The following CACHD1 variants were observed in gnomAD, a reference collection of about 807,000 sequenced individuals.
CACHD1 encodes VWFA and cache domain-containing protein 1.
Under a neutral mutation model 138.7 loss-of-function variants are expected in CACHD1, and 71 were observed. The observed-to-expected ratio is 0.51, with a 90% CI of 0.42 to 0.62. The LOEUF (loss-of-function observed/expected upper bound fraction) is 0.62. Ranked by LOEUF, CACHD1 falls within the 20% of genes least tolerant of loss-of-function variation. CACHD1 has a pLI of 0.00. For synonymous variants in CACHD1, 578 were observed against 591.5 expected (o/e 0.98, Z 0.33); for missense variants, 1,389 against 1,625.3 (o/e 0.85, Z 2.50).
intron 16 of CACHD1, among the ~76,000 whole-genome samples, chr1:64,668,671 A>G (rs776071066): frequency 1.3e-5 from 2 of 152,230 alleles, no homozygotes; most frequent in Non-Finnish European, 2.9e-5. Flanking sequence ...GTGAGTGTAT[A>G]TTCCCCAGAA....
intron 13 of CACHD1, among the ~76,000 whole-genome samples, chr1:64,660,968 C>T (rs998260076): frequency 4.6e-5 from 7 of 152,120 alleles, no homozygotes; most frequent in African/African-American, 1.4e-4. Flanking sequence ...ATATGATTAA[C>T]AAGCAGACCA....
chr1:64,557,522 C>T (rs1451950085), intron 2 of CACHD1, among the ~76,000 whole-genome samples: 3 of 152,118 alleles, frequency 2.0e-5, no homozygotes, highest in Admixed American at 1.3e-4. Flanking sequence ...ATACAGGAGA[C>T]GTACCTGACA....
At position 64,664,656 on chromosome 1, in the gene CACHD1, A is replaced by G. The variant is rs762129946; in HGVS notation, c.2253A>G (p.Ala751=). Residue 751 remains alanine, a synonymous_variant, in exon 15 of 27, where the codon GCA becomes GCG. Transcript: ENST00000651257. Reference sequence around the variant, plus strand: ...ATCCTGGTTCCCTCATGGACAAAGCATTTGATCCCACTAGGAGACAATGGT... The same window carrying G: ...ATCCTGGTTCCCTCATGGACAAAGCGTTTGATCCCACTAGGAGACAATGGT... ...RIYPGSLMDK[A]FDPTRRQWYL... 9.3e-6 allele frequency: 15 copies of G among 1,614,178 alleles called. No homozygotes were observed. The highest frequency in any genetic ancestry group is 2.2e-5 in the East Asian group (1 of 44,884).
At chr1:64,651,372 CT>C (rs879721898) in intron 9 of CACHD1, among the ~76,000 whole-genome samples, 15 of 152,160 alleles carry the variant, frequency 9.9e-5, no homozygotes, top group Admixed American at 7.2e-4. Context: ...TTGTTTTCAC[CT>C]TTTTTTAAAG....
At chr1:64,690,770 G>C (rs1570489794) in intron 26 of CACHD1, among the ~76,000 whole-genome samples, 1 of 152,340 alleles carries the variant, frequency 6.6e-6, no homozygotes, top group East Asian at 1.9e-4. Flanking sequence ...TACCAAGCAA[G>C]CACGCAGGTG....
intron 26 of CACHD1, among the ~76,000 whole-genome samples, chr1:64,684,058 A>G (rs1424241635): frequency 1.3e-5 from 2 of 152,240 alleles, no homozygotes; most frequent in East Asian, 3.8e-4. Flanking sequence ...CCATGAGATT[A>G]TAATGGAGCT....
At chr1:64,547,782 C>T (rs914541290) in intron 1 of CACHD1, among the ~76,000 whole-genome samples, 2 of 151,938 alleles carry the variant, frequency 1.3e-5, no homozygotes, top group African/African-American at 4.9e-5. Flanking sequence ...AAGCTCCTCT[C>T]CATCCCACAC....
intron 1 of CACHD1, among the ~76,000 whole-genome samples, chr1:64,520,582 TGTTAA>T (rs1486956779): frequency 6.6e-6 from 1 of 152,234 alleles, no homozygotes; most frequent in Non-Finnish European, 1.5e-5. Context: ...ACTGAATTAT[TGTTAA>T]GTTAATTAGG....
In CACHD1 at chr1:64,668,545, A is replaced by G. The variant is rs530451304; in HGVS notation, c.2387+2378A>G. On this transcript the variant is annotated intron_variant, in intron 16 of 26. Coordinates refer to ENST00000651257, the MANE Select transcript of CACHD1 (RefSeq NM_020925.4). Reference sequence around the variant, plus strand: ...AAAAAAAGAGAAAACTCCAGATTCAAATCCCTCATTTGGTTACTTTTACAT... The same window carrying G: ...AAAAAAAGAGAAAACTCCAGATTCAGATCCCTCATTTGGTTACTTTTACAT... Among the ~76,000 whole-genome samples, 22 of 152,230 alleles carry G rather than the reference A, an allele frequency of 1.4e-4. No individual in the cohort carries two copies. The South Asian group carries it at 3.1e-3, about 22-fold the overall frequency.
rs184827069 is a variant in CACHD1 at position 64,686,977 on chromosome 1, A to G, written c.3587-4346A>G. 2.0e-4 allele frequency among the ~76,000 whole-genome samples: 31 copies of G among 152,282 alleles called. No homozygotes were observed. The East Asian group carries it at 5.8e-3, about 28-fold the overall frequency. On this transcript the variant is annotated intron_variant, in intron 26 of 26. Transcript: ENST00000651257. ...ACGTCACACCCCTTATAATCAAACA[A>G]AGTTTCTTAGGAACTATCAGATAAA...
intron 26 of CACHD1, among the ~76,000 whole-genome samples, chr1:64,688,292 G>A (rs1650430846): frequency 6.6e-6 from 1 of 152,110 alleles, no homozygotes; most frequent in South Asian, 2.1e-4. Context: ...ATAGCATAAG[G>A]TGGTTTTAAT....
chr1:64,577,158 C>G (rs191253360), intron 2 of CACHD1, among the ~76,000 whole-genome samples: 1 of 152,210 alleles, frequency 6.6e-6, no homozygotes, highest in Non-Finnish European at 1.5e-5. Context: ...GTTGCCCAGA[C>G]TGGTCTTGAA....
chr1:64,597,661 A>C (rs935089790), intron 3 of CACHD1, among the ~76,000 whole-genome samples: 4 of 151,672 alleles, frequency 2.6e-5, no homozygotes, highest in African/African-American at 9.7e-5. Flanking sequence ...CAGGGTCTAA[A>C]GGAGATTTAG....
At chr1:64,669,729 T>C (rs1649754601) in intron 16 of CACHD1, among the ~76,000 whole-genome samples, 1 of 152,176 alleles carries the variant, frequency 6.6e-6, no homozygotes, top group South Asian at 2.1e-4. Context: ...TGAGTTGCTA[T>C]GGTAACAGTG....
chr1:64,592,683 A>G (rs1647116635), intron 3 of CACHD1, among the ~76,000 whole-genome samples: 1 of 152,154 alleles, frequency 6.6e-6, no homozygotes, highest in Non-Finnish European at 1.5e-5. Flanking sequence ...GGTCAGCTAC[A>G]CAAATTTCTC....
intron 1 of CACHD1, among the ~76,000 whole-genome samples, chr1:64,477,624 ATTT>A (rs869174240): frequency 1.9e-5 from 2 of 104,228 alleles, no homozygotes; most frequent in Non-Finnish European, 1.9e-5. Context: ...TATTATTATT[ATTT>A]TATTTTATTT....
At chr1:64,548,219 G>A (rs1378824073) in intron 1 of CACHD1, among the ~76,000 whole-genome samples, 2 of 152,206 alleles carry the variant, frequency 1.3e-5, no homozygotes, top group South Asian at 4.1e-4. Context: ...GTTGGCTTGA[G>A]CAGGGTGCAT....
At chr1:64,681,877 A>C in intron 25 of CACHD1, 128 bp from the exon 26 acceptor site, 1 of 787,360 alleles carries the variant, frequency 1.3e-6, no homozygotes, top group Non-Finnish European at 2.1e-6. Context: ...TTGTTTAAAA[A>C]ATGATTTATT....
At chr1:64,652,450 C>A in intron 10 of CACHD1, 140 bp downstream of exon 10, 1 of 717,700 alleles carries the variant, frequency 1.4e-6, no homozygotes, top group Non-Finnish European at 2.2e-6. Context: ...TGTAGTAGAA[C>A]ACCGTAAAGA....
Sources: allele counts gnomAD v4.1 joint callset (sites outside exome capture counted in the v4.1 genomes callset), GRCh38; gene constraint gnomAD v4.1.1; transcripts MANE v1.5; gene names NCBI Gene and HGNC (gene_info 2026-07-23, HGNC 2026-07-21).